PCARE: variants seen among roughly 807,000 people sequenced by gnomAD.
PCARE encodes photoreceptor cilium actin regulator, also known as uncharacterized protein C2orf71.
In PCARE, 72 loss-of-function variants were observed where a neutral mutation model predicts 82.2. The observed-to-expected ratio is 0.88, with a 90% CI of 0.72 to 1.07. The LOEUF is 1.07. Among genes scored for constraint, PCARE ranks in the 50% least tolerant of loss-of-function variants. The pLI, the probability that PCARE is intolerant of heterozygous loss-of-function variation, is 0.00. For missense variants in PCARE, 1,768 were observed against 1,592.4 expected, an observed-to-expected ratio of 1.11 and a Z score of -1.88; for synonymous variants, 705 against 634.8, an observed-to-expected ratio of 1.11 and a Z score of -1.66.
chr2:29,073,395 G>A lies in PCARE; in HGVS notation c.867C>T (p.Thr289=), dbSNP rs199729963. Residue 289 remains threonine, a synonymous_variant, in exon 1 of 2, where the codon ACC becomes ACT. Transcript: ENST00000331664. The part of the protein sequence containing the change: ...QVLNGTVASL[T]GSFLEGSSSY... ...TGCTGGAGCCCTCCAGGAAGCTGCC[G>A]GTGAGCGAGGCCACTGTGCCATTGA... is the stretch of plus-strand genomic sequence containing the variant. The A allele has an allele frequency of 3.5e-4, 570 of 1,613,852 alleles. 1 individual carries two copies. Among genetic ancestry groups the A allele is most frequent in the Non-Finnish European group, 4.5e-4 (536 of 1,180,040 alleles).
Position 29,070,706 on chromosome 2 carries a change from G to A in PCARE, c.3556C>T (p.Pro1186Ser), listed in dbSNP as rs2148414749. ...GCTGTCCTCCTGAGGAAAGGCAGAG[G>A]GTTGAGGGCACACAGAGCTGCTCTC... ...QRRAALCALNPLPFLRRTASD... is the reference protein window; with the variant it reads ...QRRAALCALNSLPFLRRTASD... Residue 1186 changes from proline to serine, a missense_variant, in exon 1 of 2, where the codon CCT becomes TCT. By Grantham distance (74) the Pro-to-Ser change is moderately conservative. Transcript: ENST00000331664. 1.2e-6 allele frequency: 2 copies of A among 1,614,160 alleles called. No individual in the cohort carries two copies.
In PCARE at chr2:29,062,038, T is replaced by C. The variant is rs1473893877; in HGVS notation, c.*2831A>G. On this transcript the variant is annotated 3_prime_UTR_variant, in exon 2 of 2. Transcript: ENST00000331664. ...ATGTAATTTGAGCTAAGTCTGGTAG[T>C]TGGTATGGTAGCCAAAAACACATCT... The C allele has an allele frequency of 6.6e-6, 1 of 152,252 alleles. No individual in the cohort carries two copies. The highest frequency in any genetic ancestry group is 1.5e-5 in the Non-Finnish European group (1 of 68,068). 9.4% of individuals were successfully genotyped at this position (152,252 alleles called of 1,614,324 possible). A position where few individuals can be genotyped will look rare whatever the true frequency, so the allele number is the denominator to read the frequency against.
chr2:29,067,682 C>G (rs1452444022), intron 1 of PCARE, among the ~76,000 whole-genome samples: 2 of 152,126 alleles, frequency 1.3e-5, no homozygotes, highest in African/African-American at 2.4e-5. Context: ...GTAGCTGGGA[C>G]TACAGGTGCG....
rs1413425691 is a variant in PCARE, at chr2:29,073,646, G to A, written c.616C>T (p.His206Tyr). 1.9e-6 allele frequency: 3 copies of A among 1,614,214 alleles called. No homozygotes were observed. The highest frequency in any genetic ancestry group is 2.5e-6 in the Non-Finnish European group (3 of 1,180,036). The change falls in exon 1 of 2, where the codon CAT becomes TAT. Residue 206 changes from histidine (H) to tyrosine (Y), a missense_variant. Transcript: ENST00000331664. ...SKYEAILCII[H>Y]QATQTRELLQ... The stretch of plus-strand genomic sequence containing the variant: ...AGCTCCCGGGTCTGGGTGGCCTGAT[G>A]GATGATGCACAGAATTGCTTCATAT...
chr2:29,073,834 G>A lies in PCARE; in HGVS notation c.428C>T (p.Ser143Phe), dbSNP rs201990008. The A allele has an allele frequency of 5.5e-5, 88 of 1,614,100 alleles. No individual in the cohort carries two copies. In the African/African-American group the frequency reaches 1.1e-3, roughly 20 times the overall value. ...ACATTTTGCTGTCCTTTTCCATTTG[G>A]AAGTATCTTGGGTACTACTTTCCTC... is the stretch of plus-strand genomic sequence containing the variant. ...ESEESSTQDT[S>F]KWKRTAKCHT... The change falls in exon 1 of 2, where the codon TCC (serine) becomes TTC (phenylalanine). Residue 143 changes from serine (S) to phenylalanine (F), a missense_variant. Ser to Phe is a radical substitution (Grantham distance 155, BLOSUM62 -2). Transcript: ENST00000331664.
At chr2:29,067,078 T>TC (rs35249382) in intron 1 of PCARE, among the ~76,000 whole-genome samples, 133,796 of 152,110 alleles carry the variant, frequency 0.88, 58,875 homozygotes, top group Admixed American at 0.91. Context: ...GGCTTCTGCC[T>TC]GCACGGAGTG....
In PCARE at chr2:29,073,690, AG is replaced by A. The variant is rs762168113; in HGVS notation, c.571del (p.Leu191TyrfsTer65). 1 of 1,614,166 alleles carries A rather than the reference AG, an allele frequency of 6.2e-7. No individual in the cohort carries two copies. The highest frequency in any genetic ancestry group is 2.2e-5 in the East Asian group (1 of 44,888). On this transcript the variant is annotated frameshift_variant, in exon 1 of 2. Transcript: ENST00000331664. LOFTEE classifies it high-confidence loss of function. Reference protein sequence around the residue: ...VKAHQQAYTYLHSSLSKYEAI... With the variant: ...VKAHQQAYTYXHSSLSKYEAI... ...TTCATATTTGGAGAGGCTGGAGTGT[AG>A]ATAGGTGTAAGCCTGCTGGTGGGCC...
rs369928868 is a variant in PCARE, at chr2:29,074,067, C to G, written c.195G>C (p.Arg65Ser). Residue 65 changes from arginine (R) to serine (S), a missense_variant, in exon 1 of 2, where the codon AGG becomes AGC. Physicochemically the swap from Arg to Ser is moderately radical, Grantham distance 110 (BLOSUM62 -1). Coordinates refer to ENST00000331664, the MANE Select transcript of PCARE (RefSeq NM_001029883.3). Reference protein sequence around the residue: ...EGLAEEQPSPRRNQTTAKGLC... With the variant: ...EGLAEEQPSPSRNQTTAKGLC... ...GACCTTTAGCTGTGGTTTGGTTCCTCCTGGGACTTGGCTGCTCCTCTGCCA... is the reference window on the plus strand; with the variant it reads ...GACCTTTAGCTGTGGTTTGGTTCCTGCTGGGACTTGGCTGCTCCTCTGCCA... 5.8e-5 allele frequency: 94 copies of G among 1,614,082 alleles called. 1 individual carries two copies. The Middle Eastern group carries it at 2.3e-3, about 40-fold the overall frequency.
Position 29,070,659 on chromosome 2 carries a change from G to A in PCARE, c.3603C>T (p.Gly1201=). 6.2e-7 allele frequency: 1 copy of A among 1,613,992 alleles called. No individual in the cohort carries two copies. The highest frequency in any genetic ancestry group is 8.5e-7 in the Non-Finnish European group (1 of 1,179,998). The change falls in exon 1 of 2, where the codon GGC becomes GGT. Residue 1201 remains glycine, a synonymous_variant. Transcript: ENST00000331664. ...RRTASDRQPG[G]RPQPPTLDPT... is the part of the protein sequence containing the mutation. The stretch of plus-strand genomic sequence containing the variant: ...GGTCCAAGGTGGGAGGCTGCGGTCG[G>A]CCACCTGGCTGGCGGTCAGAAGCTG...
rs1667548616 is a variant in PCARE, at chr2:29,074,203, T to C, written c.59A>G (p.Gln20Arg). The C allele has an allele frequency of 2.5e-6, 4 of 1,598,000 alleles. No individual in the cohort carries two copies. Among genetic ancestry groups the C allele is most frequent in the Admixed American group, 1.7e-5 (1 of 58,408 alleles). ...LVNSVAKSGI[Q>R]FLKKPKAIRP... ...AATTGCTTTGGGCTTTTTCAAGAAC[T>C]GAATGCCACTCTTTGCAACGCTGTT... Residue 20 changes from glutamine (Q) to arginine (R), a missense_variant, in exon 1 of 2, where the codon CAG becomes CGG. Gln to Arg is a conservative substitution (Grantham distance 43, BLOSUM62 1). Coordinates refer to ENST00000331664, the MANE Select transcript of PCARE (RefSeq NM_001029883.3).
chr2:29,065,140 C>T (rs1395794852), intron 1 of PCARE, 73 bp from the exon 2 acceptor site: 2 of 1,484,142 alleles, frequency 1.3e-6, no homozygotes, highest in Non-Finnish European at 1.8e-6. Context: ...CCCCTGTCCT[C>T]CATTCTCCCT....
chr2:29,071,868 C>G lies in PCARE; in HGVS notation c.2394G>C (p.Trp798Cys). ...GGGGAAAGATAGGTGCTAAGGGCTT[C>G]CAGCCTATGCCCATTTTGAGAGATT... ...GRESLKMGIG[W>C]KPLAPIFPPL... The change falls in exon 1 of 2, where the codon TGG (tryptophan) becomes TGC (cysteine). Residue 798 changes from tryptophan to cysteine, a missense_variant. Physicochemically the swap from Trp to Cys is radical, Grantham distance 215. Transcript: ENST00000331664. The G allele has an allele frequency of 6.2e-7, 1 of 1,614,240 alleles. No individual in the cohort carries two copies. The highest frequency in any genetic ancestry group is 8.5e-7 in the Non-Finnish European group (1 of 1,180,044).
rs563685501 is a variant in PCARE, at chr2:29,061,878, C to T, written c.*2991G>A. The T allele has an allele frequency of 7.9e-5, 12 of 152,336 alleles. No homozygotes were observed. In the South Asian group the frequency reaches 1.7e-3, roughly 21 times the overall value. The allele number at this position is 152,336 out of a possible 1,614,324, so 9.4% of individuals were successfully genotyped here. ...AAGCTGTACAGCTGGGTTTGCCCCT[C>T]CTGCCACCAGCAATGCGTGCTCCAA... On this transcript the variant is annotated 3_prime_UTR_variant, in exon 2 of 2. Transcript: ENST00000331664.
rs372665350 is a variant in PCARE, at chr2:29,073,803, C to T, written c.459G>A (p.Thr153=). 4.2e-5 allele frequency: 67 copies of T among 1,614,098 alleles called. No homozygotes were observed. The highest frequency in any genetic ancestry group is 5.0e-5 in the Admixed American group (3 of 59,998). The part of the protein sequence containing the change: ...SKWKRTAKCH[T]SSTQSHCYQT... The stretch of plus-strand genomic sequence containing the variant: ...GGTAGCAGTGGCTCTGTGTGCTTGA[C>T]GTGTGACATTTTGCTGTCCTTTTCC... Residue 153 remains threonine (T), a synonymous_variant, in exon 1 of 2, where the codon ACG becomes ACA. Coordinates refer to ENST00000331664, the MANE Select transcript of PCARE (RefSeq NM_001029883.3).
In PCARE at chr2:29,073,831, T is replaced by TTGG. The variant is rs1667540765; in HGVS notation, c.428_430dup (p.Ser143_Lys144insThr). 3.7e-6 allele frequency: 6 copies of TTGG among 1,614,090 alleles called. No individual in the cohort carries two copies. Among genetic ancestry groups the TTGG allele is most frequent in the Non-Finnish European group, 5.1e-6 (6 of 1,180,050 alleles). ...GTGACATTTTGCTGTCCTTTTCCAT[T>TTGG]TGGAAGTATCTTGGGTACTACTTTC... On this transcript the variant is annotated inframe_insertion, in exon 1 of 2. Transcript: ENST00000331664.
chr2:29,067,778 C>A (rs2148413699), intron 1 of PCARE, among the ~76,000 whole-genome samples: 1 of 152,290 alleles, frequency 6.6e-6, no homozygotes, highest in African/African-American at 2.4e-5. Flanking sequence ...CTCCTGACCT[C>A]AGGTGATTCA....
Position 29,064,837 on chromosome 2 carries a change from G to C in PCARE, c.*32C>G. The C allele has an allele frequency of 6.2e-7, 1 of 1,607,752 alleles. No individual in the cohort carries two copies. Among genetic ancestry groups the C allele is most frequent in the Middle Eastern group, 2.3e-4 (1 of 4,440 alleles). On this transcript the variant is annotated 3_prime_UTR_variant, in exon 2 of 2. Transcript: ENST00000331664. ...GCTGTCACACTTGGCCTTCTGGGGT[G>C]ACTGCGTGAGTGTGGCCCCCTCGTC...
chr2:29,071,371 C>A lies in PCARE; in HGVS notation c.2891G>T (p.Gly964Val). Residue 964 changes from glycine to valine, a missense_variant, in exon 1 of 2, where the codon GGC becomes GTC. Transcript: ENST00000331664. Reference sequence around the variant, plus strand: ...GGTCCTGTTTTGTCCAGATGGAGGGCCGGAGTGGTGCCAGGCGATGGCCTT... The same window carrying A: ...GGTCCTGTTTTGTCCAGATGGAGGGACGGAGTGGTGCCAGGCGATGGCCTT... ...PRKAIAWHHS[G>V]PPSGQNRTSE... 6.2e-7 allele frequency: 1 copy of A among 1,613,708 alleles called. No homozygotes were observed. Among genetic ancestry groups the A allele is most frequent in the Non-Finnish European group, 8.5e-7 (1 of 1,179,918 alleles).
intron 1 of PCARE, among the ~76,000 whole-genome samples, chr2:29,065,372 G>A (rs962855656): frequency 7.2e-5 from 11 of 152,212 alleles, no homozygotes; most frequent in Middle Eastern, 3.2e-3. Context: ...TGGGAGCTGG[G>A]CCTTTATTTT....
Sources: gnomAD v4.1 joint callset for allele counts (sites outside exome capture counted in the v4.1 genomes callset) on GRCh38, gnomAD v4.1.1 for gene constraint, MANE v1.5 for transcripts, NCBI Gene and HGNC (gene_info 2026-07-23, HGNC 2026-07-21) for gene names.